The following NRG1 variants were observed in gnomAD, a reference collection of about 807,000 sequenced individuals.
NRG1 encodes neuregulin 1.
A neutral mutation model predicts 63.8 loss-of-function variants in NRG1; 18 were observed. That is an observed-to-expected ratio of 0.28 (90% confidence interval 0.19 to 0.42). NRG1 has a LOEUF of 0.42. Ranked by LOEUF, NRG1 falls within the 10% of genes least tolerant of loss-of-function variation. The pLI, the probability that NRG1 is intolerant of heterozygous loss-of-function variation, is 1.00. For synonymous variants in NRG1, 302 were observed against 301.3 expected (o/e 1.00, Z -0.02); for missense variants, 762 against 814.7 (o/e 0.94, Z 0.79).
intron 1 of NRG1, among the ~76,000 whole-genome samples, chr8:31,648,464 T>C (rs185630804): frequency 1.2e-3 from 186 of 152,218 alleles, no homozygotes; most frequent in African/African-American, 4.1e-3. Context: ...TCAGCAGTAT[T>C]CAATACATTC....
chr8:32,567,735 ATGAAAGTGCCTT>A (rs373146905), intron 1 of NRG1, among the ~76,000 whole-genome samples: 3 of 152,382 alleles, frequency 2.0e-5, no homozygotes, highest in African/African-American at 7.2e-5. Context: ...GCCATCACCA[ATGAAAGTGCCTT>A]TGAAGTGTCT....
chr8:31,654,264 G>C (rs1192312707), intron 1 of NRG1, among the ~76,000 whole-genome samples: 1 of 152,198 alleles, frequency 6.6e-6, no homozygotes, highest in African/African-American at 2.4e-5. Context: ...GATTAGCTGA[G>C]TATATGGTTG....
chr8:32,684,078 T>C (rs1809425790), intron 5 of NRG1, among the ~76,000 whole-genome samples: 1 of 152,004 alleles, frequency 6.6e-6, no homozygotes, highest in Admixed American at 6.6e-5. Context: ...ACGTCTGTGA[T>C]CCCAGCTACT....
intron 1 of NRG1, among the ~76,000 whole-genome samples, chr8:32,356,529 C>T (rs1806458835): frequency 7.4e-6 from 1 of 135,708 alleles, no homozygotes; most frequent in Non-Finnish European, 1.5e-5. Context: ...GTTCTCTTGA[C>T]ATCTTGGATT....
At chr8:32,316,573 G>A (rs1271675036) in intron 1 of NRG1, among the ~76,000 whole-genome samples, 6 of 151,500 alleles carry the variant, frequency 4.0e-5, no homozygotes, top group Non-Finnish European at 7.4e-5. Flanking sequence ...TCTCTCTCTC[G>A]TTTTGAACTT....
intron 1 of NRG1, among the ~76,000 whole-genome samples, chr8:32,408,439 C>T (rs1398894635): frequency 6.6e-6 from 1 of 152,116 alleles, no homozygotes; most frequent in Non-Finnish European, 1.5e-5. Flanking sequence ...AGCCATTCCT[C>T]AGCATATGGG....
chr8:32,017,827 C>A (rs2130125038), intron 1 of NRG1, among the ~76,000 whole-genome samples: 1 of 152,282 alleles, frequency 6.6e-6, no homozygotes, highest in Non-Finnish European at 1.5e-5. Context: ...TGAACCTAGT[C>A]TTTTTTGTGT....
intron 1 of NRG1, among the ~76,000 whole-genome samples, chr8:31,879,879 A>G (rs1457214046): frequency 6.6e-6 from 1 of 152,142 alleles, no homozygotes; most frequent in Non-Finnish European, 1.5e-5. Flanking sequence ...TTCCCACAAA[A>G]TATATGATTG....
intron 5 of NRG1, among the ~76,000 whole-genome samples, chr8:32,681,951 T>C (rs1389054733): frequency 2.6e-5 from 4 of 152,172 alleles, no homozygotes; most frequent in African/African-American, 9.6e-5. Context: ...CATGGAGTAA[T>C]ACATTCTTTA....
At chr8:32,604,101 G>A (rs147312351) in intron 2 of NRG1, among the ~76,000 whole-genome samples, 54 of 152,264 alleles carry the variant, frequency 3.5e-4, no homozygotes, top group Non-Finnish European at 5.6e-4. Flanking sequence ...CATGAGAGGC[G>A]TACTCAGGGC....
chr8:32,167,672 T>G (rs1426389163), intron 1 of NRG1, among the ~76,000 whole-genome samples: 2 of 152,208 alleles, frequency 1.3e-5, no homozygotes, highest in Non-Finnish European at 2.9e-5. Context: ...GTACATGATT[T>G]ATAAAATAGA....
At chr8:32,709,660 A>G (rs1031713715) in intron 5 of NRG1, among the ~76,000 whole-genome samples, 2 of 152,052 alleles carry the variant, frequency 1.3e-5, no homozygotes, top group Non-Finnish European at 1.5e-5. Context: ...GGCTCAAGCA[A>G]TCCTCCTGCC....
intron 1 of NRG1, among the ~76,000 whole-genome samples, chr8:32,281,758 A>G (rs899843646): frequency 6.6e-6 from 1 of 152,092 alleles, no homozygotes; most frequent in African/African-American, 2.4e-5. Context: ...AGGCAGGAGG[A>G]TCACTTGAGC....
chr8:31,656,840 G>A (rs1210638103), intron 1 of NRG1, among the ~76,000 whole-genome samples: 2 of 152,114 alleles, frequency 1.3e-5, no homozygotes, highest in Non-Finnish European at 2.9e-5. Flanking sequence ...GGTCCTATGA[G>A]AATACAATGC....
intron 1 of NRG1, among the ~76,000 whole-genome samples, chr8:32,334,340 A>G (rs1803001670): frequency 6.6e-6 from 1 of 152,196 alleles, no homozygotes; most frequent in African/African-American, 2.4e-5. Context: ...CTTAGAAAAA[A>G]TAATCTGAGA....
At chr8:32,361,798 C>T (rs953721355) in intron 1 of NRG1, among the ~76,000 whole-genome samples, 8 of 152,200 alleles carry the variant, frequency 5.3e-5, no homozygotes, top group East Asian at 1.9e-4. Flanking sequence ...GCCACCCAGG[C>T]GCATGTGGCC....
intron 1 of NRG1, among the ~76,000 whole-genome samples, chr8:32,243,681 G>T (rs1848342177): frequency 6.6e-6 from 1 of 152,074 alleles, no homozygotes; most frequent in African/African-American, 2.4e-5. Context: ...ACTTTTGTAT[G>T]CCTGTGAAAT....
Position 31,640,734 on chromosome 8 carries a change from G to T in NRG1, c.37+1303G>T. Reference sequence around the variant, plus strand: ...GGGTGCTGTGCAAGCGGTGCGGTAAGTTCCTCGCCCTTGGGGGCGCGAACC... The same window carrying T: ...GGGTGCTGTGCAAGCGGTGCGGTAATTTCCTCGCCCTTGGGGGCGCGAACC... On this transcript the variant is annotated intron_variant, in intron 1 of 10. Transcript: ENST00000519301. This position sits in a 1 kb window ranked among gnomAD's most constrained non-coding sequence, Gnocchi z 6.3. 1 of 1,560,638 alleles carries T rather than the reference G, an allele frequency of 6.4e-7. No individual in the cohort carries two copies. Among genetic ancestry groups the T allele is most frequent in the East Asian group, 2.4e-5 (1 of 41,512 alleles).
chr8:32,515,021 T>A (rs1231552936), intron 1 of NRG1, among the ~76,000 whole-genome samples: 1 of 116,692 alleles, frequency 8.6e-6, no homozygotes, highest in Non-Finnish European at 1.8e-5. Flanking sequence ...TCCAATCCAC[T>A]GTTTATGGGC....
Sources: allele counts gnomAD v4.1 joint callset (sites outside exome capture counted in the v4.1 genomes callset), GRCh38; gene constraint gnomAD v4.1.1; non-coding constraint Gnocchi (gnomAD v3.1); transcripts MANE v1.5; gene names NCBI Gene and HGNC (gene_info 2026-07-23, HGNC 2026-07-21).